STK3: variants seen among roughly 807,000 people sequenced by gnomAD.
STK3 encodes the protein serine/threonine-protein kinase 3.
In STK3, 41 loss-of-function variants were observed where a neutral mutation model predicts 58.0. The observed-to-expected ratio is 0.71, with a 90% CI of 0.55 to 0.92. The LOEUF (loss-of-function observed/expected upper bound fraction) is 0.92. STK3 is among the 40% of genes least tolerant of loss of function. The probability of loss-of-function intolerance (pLI) is 0.00; values close to 1 mark genes in which losing one functional copy is unlikely to be tolerated. For missense variants in STK3, 479 were observed against 602.7 expected (o/e 0.79, Z 2.15); for synonymous variants, 170 against 191.0 (o/e 0.89, Z 0.91).
chr8:98,738,488 A>C (rs1005136982), intron 4 of STK3, among the ~76,000 whole-genome samples: 4 of 152,082 alleles, frequency 2.6e-5, no homozygotes, highest in South Asian at 2.1e-4. Flanking sequence ...TAAAATAAAA[A>C]ATAAAATAAA....
intron 8 of STK3, among the ~76,000 whole-genome samples, chr8:98,572,123 A>G (rs1813017443): frequency 6.6e-6 from 1 of 152,248 alleles, no homozygotes; most frequent in Admixed American, 6.5e-5. Context: ...GTACCTGTAC[A>G]ATATTCAATA....
At chr8:98,390,381 T>C (rs976575531), upstream of STK3, among the ~76,000 whole-genome samples, 2 of 152,196 alleles carry the variant, frequency 1.3e-5, no homozygotes, top group Admixed American at 1.3e-4. Context: ...GGGTTTCTGA[T>C]GAGAAGTCCT....
At chr8:98,420,682 T>C (rs1326661493) in intron 3 of STK3, among the ~76,000 whole-genome samples, 3 of 152,148 alleles carry the variant, frequency 2.0e-5, no homozygotes, top group African/African-American at 7.2e-5. Context: ...CAGAGACATG[T>C]TTGAGTCTAA....
intron 1 of STK3, among the ~76,000 whole-genome samples, chr8:98,794,072 T>G (rs1311431559): frequency 6.6e-6 from 1 of 152,092 alleles, no homozygotes; most frequent in East Asian, 1.9e-4. Context: ...ACTAAACACC[T>G]ACCTCAAAAA....
At chr8:98,756,936 A>C (rs1830320686) in intron 3 of STK3, among the ~76,000 whole-genome samples, 1 of 152,106 alleles carries the variant, frequency 6.6e-6, no homozygotes, top group Non-Finnish European at 1.5e-5. Context: ...CAAAATACTC[A>C]AAGTAGCCAA....
intron 1 of STK3, among the ~76,000 whole-genome samples, chr8:98,382,155 A>C (rs1393284196): frequency 1.3e-5 from 2 of 151,848 alleles, no homozygotes; most frequent in East Asian, 1.9e-4. Flanking sequence ...GGGTGGAGAC[A>C]CACTGCCACG....
At chr8:98,755,555 G>A (rs1830236679) in intron 3 of STK3, among the ~76,000 whole-genome samples, 1 of 152,172 alleles carries the variant, frequency 6.6e-6, no homozygotes, top group African/African-American at 2.4e-5. Flanking sequence ...GCAGATAAGT[G>A]AGCTTTAACA....
chr8:98,871,158 G>A lies in STK3; in HGVS notation c.110+12489C>T, dbSNP rs137914804. 4.4e-3 allele frequency among the ~76,000 whole-genome samples: 665 copies of A among 152,238 alleles called. 3 individuals carry two copies. Among genetic ancestry groups the A allele is most frequent in the African/African-American group, 0.015 (639 of 41,560 alleles). On this transcript the variant is annotated intron_variant, in intron 3 of 12. Coordinates refer to the STK3 transcript ENST00000523601. Reference sequence around the variant, plus strand: ...TGTCAAAGATCAGATGGTTGTAGATGTGTGGTATTATTTCCGAGGGCTCTA... The same window carrying A: ...TGTCAAAGATCAGATGGTTGTAGATATGTGGTATTATTTCCGAGGGCTCTA...
At position 98,641,908 on chromosome 8, in the gene STK3, T is replaced by G. The variant is rs550720735; in HGVS notation, c.685-45739A>C. Reference sequence around the variant, plus strand: ...CTTTATATCTAACTCTATGTTGTCTTTCTTAGAGGTAAATCAAGGTGCTGC... The same window carrying G: ...CTTTATATCTAACTCTATGTTGTCTGTCTTAGAGGTAAATCAAGGTGCTGC... On this transcript the variant is annotated intron_variant, in intron 6 of 10. Coordinates refer to ENST00000419617, the MANE Select transcript of STK3 (RefSeq NM_006281.4). 1.9e-3 allele frequency among the ~76,000 whole-genome samples: 294 copies of G among 152,310 alleles called. 4 individuals are homozygous for G. The highest frequency in any genetic ancestry group is 5.0e-3 in the Admixed American group (76 of 15,292).
intron 2 of STK3, among the ~76,000 whole-genome samples, chr8:98,374,439 A>T (rs1817651943): frequency 6.6e-6 from 1 of 152,264 alleles, no homozygotes; most frequent in Non-Finnish European, 1.5e-5. Flanking sequence ...TTCTACAAAC[A>T]TTCACCAGAT....
chr8:98,828,327 C>T (rs1328578133), upstream of STK3, among the ~76,000 whole-genome samples: 5 of 145,944 alleles, frequency 3.4e-5, no homozygotes, highest in South Asian at 2.3e-4. Flanking sequence ...GAAGGCTGGG[C>T]GAGGTGGCTC....
rs182185609 is a variant in STK3, at chr8:98,455,366, T to A, written c.*476A>T. On this transcript the variant is annotated 3_prime_UTR_variant, in exon 11 of 11. Coordinates refer to ENST00000419617, the MANE Select transcript of STK3 (RefSeq NM_006281.4). ...GTTGCACATTATCATCATATTAATA[T>A]GACCCTACCTTCACCAAAGCTATCC... The A allele has an allele frequency of 6.5e-6, 1 of 152,950 alleles. No individual in the cohort carries two copies. Among genetic ancestry groups the A allele is most frequent in the African/African-American group, 2.4e-5 (1 of 41,372 alleles). The allele number at this position is 152,950 out of a possible 1,614,324, so 9.5% of individuals were successfully genotyped here.
chr8:98,367,726 G>A (rs928996819), downstream of STK3, among the ~76,000 whole-genome samples: 2 of 152,344 alleles, frequency 1.3e-5, no homozygotes, highest in Non-Finnish European at 2.9e-5. Flanking sequence ...CTCAGAGGAG[G>A]CAGGTGAAAG....
At chr8:98,906,771 G>A (rs1838919579) in intron 1 of STK3, among the ~76,000 whole-genome samples, 1 of 152,104 alleles carries the variant, frequency 6.6e-6, no homozygotes, top group African/African-American at 2.4e-5. Flanking sequence ...CTAAAGAGAT[G>A]TTCTCTACCA....
At chr8:98,907,112 T>C (rs1838939490) in intron 1 of STK3, among the ~76,000 whole-genome samples, 1 of 152,100 alleles carries the variant, frequency 6.6e-6, no homozygotes, top group Non-Finnish European at 1.5e-5. Flanking sequence ...GAGCCATGAT[T>C]GTGCCACTGC....
chr8:98,900,638 A>T (rs1838620773), intron 1 of STK3, among the ~76,000 whole-genome samples: 1 of 150,546 alleles, frequency 6.6e-6, no homozygotes, highest in African/African-American at 2.4e-5. Context: ...TTTTTTAAAG[A>T]TTGTTATAGT....
intron 6 of STK3, among the ~76,000 whole-genome samples, chr8:98,690,541 CAG>C (rs1018609181): frequency 1.3e-5 from 2 of 151,250 alleles, no homozygotes; most frequent in Admixed American, 1.3e-4. Flanking sequence ...TAAAAGATAG[CAG>C]AGACGACACA....
chr8:98,549,424 T>C (rs1432317150), intron 8 of STK3, among the ~76,000 whole-genome samples: 1 of 152,212 alleles, frequency 6.6e-6, no homozygotes, highest in Non-Finnish European at 1.5e-5. Context: ...AAATATCCAT[T>C]TACCCATTTT....
At chr8:98,843,678 T>A (rs1353041252) in intron 3 of STK3, among the ~76,000 whole-genome samples, 4 of 152,248 alleles carry the variant, frequency 2.6e-5, no homozygotes, top group Non-Finnish European at 5.9e-5. Flanking sequence ...TGATTTAGTT[T>A]ACGCCTGAAA....
Sources: allele counts gnomAD v4.1 joint callset (sites outside exome capture counted in the v4.1 genomes callset), GRCh38; gene constraint gnomAD v4.1.1; transcripts MANE v1.5; gene names NCBI Gene and HGNC (gene_info 2026-07-23, HGNC 2026-07-21).